Variants in SPAST observed in about 807,000 individuals in gnomAD.
The protein encoded by SPAST is spastin, also known as spastic paraplegia 4 (autosomal dominant; spastin).
SPAST carries 30 observed loss-of-function variants against 76.6 expected under a neutral mutation model. The ratio of observed to expected loss-of-function variants is 0.39; its 90% CI spans 0.29 to 0.53. The LOEUF is 0.53. Ranked by LOEUF, SPAST falls within the 20% of genes least tolerant of loss-of-function variation. The pLI is 0.68. For missense variants in SPAST, 717 were observed against 770.5 expected, an observed-to-expected ratio of 0.93 and a Z score of 0.82; for synonymous variants, 305 against 281.0, an observed-to-expected ratio of 1.09 and a Z score of -0.86.
chr2:32,083,698 T>C (rs1677331490), intron 1 of SPAST, among the ~76,000 whole-genome samples: 1 of 138,940 alleles, frequency 7.2e-6, no homozygotes, highest in Admixed American at 7.7e-5. Flanking sequence ...ATATAGAGTA[T>C]ATATATTTTT....
rs528460707 is a variant in SPAST, at chr2:32,112,588, C to T, written c.683-2050C>T. 6.6e-5 allele frequency among the ~76,000 whole-genome samples: 10 copies of T among 152,182 alleles called. No homozygotes were observed. The East Asian group carries it at 9.7e-4, about 15-fold the overall frequency. Reference sequence around the variant, plus strand: ...GTCTCAAACTCCTGACCTTGTGATCCGCCCACCTTGGCCTCCGAAAGTTCT... The same window carrying T: ...GTCTCAAACTCCTGACCTTGTGATCTGCCCACCTTGGCCTCCGAAAGTTCT... On this transcript the variant is annotated intron_variant, in intron 4 of 16. Coordinates refer to ENST00000315285, the MANE Select transcript of SPAST (RefSeq NM_014946.4).
At chr2:32,099,396 ACT>A (rs1369460891) in intron 4 of SPAST, among the ~76,000 whole-genome samples, 23 of 152,122 alleles carry the variant, frequency 1.5e-4, no homozygotes, top group African/African-American at 5.3e-4. Flanking sequence ...CTATGGATTA[ACT>A]CTATCCTTCA....
chr2:32,089,352 T>A (rs541186307), intron 2 of SPAST, among the ~76,000 whole-genome samples, 170 bp from the exon 3 acceptor site: 22 of 152,104 alleles, frequency 1.4e-4, no homozygotes, highest in African/African-American at 4.8e-4. Context: ...ATAGTATTTT[T>A]AAAATTTCTT....
chr2:32,117,061 C>G (rs1338619441), intron 7 of SPAST, among the ~76,000 whole-genome samples: 6 of 151,950 alleles, frequency 3.9e-5, no homozygotes, highest in Admixed American at 2.6e-4. Flanking sequence ...GAGATTGAGA[C>G]CATCCTGGCT....
At chr2:32,141,556 GT>G (rs1679720410) in intron 12 of SPAST, among the ~76,000 whole-genome samples, 1 of 152,160 alleles carries the variant, frequency 6.6e-6, no homozygotes, top group African/African-American at 2.4e-5. Context: ...ATGTTACCTA[GT>G]TTGTTGATGA....
chr2:32,134,240 C>T (rs1320733858), intron 9 of SPAST, among the ~76,000 whole-genome samples: 1 of 152,032 alleles, frequency 6.6e-6, no homozygotes, highest in Admixed American at 6.6e-5. Flanking sequence ...CGGTGGCTCA[C>T]ACCTGTAATC....
chr2:32,121,298 A>G (rs1256782530), intron 7 of SPAST, among the ~76,000 whole-genome samples: 2 of 150,694 alleles, frequency 1.3e-5, no homozygotes, highest in African/African-American at 4.9e-5. Flanking sequence ...GATTACAGGC[A>G]TCTGCCACCA....
intron 1 of SPAST, among the ~76,000 whole-genome samples, chr2:32,068,277 A>G (rs986589263): frequency 6.9e-6 from 1 of 144,812 alleles, no homozygotes; most frequent in Non-Finnish European, 1.5e-5. Flanking sequence ...CGCGCCCGGC[A>G]CATATTTTGA....
intron 16 of SPAST, among the ~76,000 whole-genome samples, chr2:32,150,077 T>C (rs941663601): frequency 6.6e-6 from 1 of 150,902 alleles, no homozygotes; most frequent in African/African-American, 2.4e-5. Flanking sequence ...CTTTCTTTTT[T>C]TTTTTTTGTG....
chr2:32,106,195 G>T (rs868735526), intron 4 of SPAST, among the ~76,000 whole-genome samples: 9 of 152,164 alleles, frequency 5.9e-5, no homozygotes, highest in Admixed American at 1.3e-4. Flanking sequence ...TTGCCGCCTT[G>T]CAGTTCGATC....
At chr2:32,065,920 A>T (rs1231627224) in intron 1 of SPAST, 3 of 151,712 alleles carry the variant, frequency 2.0e-5, no homozygotes. Flanking sequence ...GGGTGTTAAC[A>T]TTTAAGAATA....
chr2:32,088,042 C>T (rs190825956), intron 2 of SPAST, among the ~76,000 whole-genome samples: 142 of 151,984 alleles, frequency 9.3e-4, no homozygotes, highest in African/African-American at 3.1e-3. Flanking sequence ...TGCATGCCAC[C>T]GTGCCCAGCT....
At chr2:32,144,798 A>G in intron 14 of SPAST, 139 bp from the exon 15 acceptor site, 1 of 665,126 alleles carries the variant, frequency 1.5e-6, no homozygotes, top group Non-Finnish European at 2.8e-6. Context: ...CTGAGGTAGG[A>G]GAATCGCTCC....
chr2:32,104,851 G>A (rs1005936702), intron 4 of SPAST, among the ~76,000 whole-genome samples: 7 of 152,150 alleles, frequency 4.6e-5, no homozygotes, highest in African/African-American at 1.4e-4. Context: ...CCCTTTGTGG[G>A]TAACCCGACC....
chr2:32,086,038 T>C (rs2148707686), intron 1 of SPAST, among the ~76,000 whole-genome samples: 1 of 129,280 alleles, frequency 7.7e-6, no homozygotes, highest in East Asian at 2.9e-4. Flanking sequence ...AGAGACTCCA[T>C]CTAAATAAAT....
chr2:32,067,227 A>C (rs925576575), intron 1 of SPAST, among the ~76,000 whole-genome samples: 6 of 151,968 alleles, frequency 3.9e-5, no homozygotes, highest in Non-Finnish European at 8.8e-5. Flanking sequence ...ACGCCCAGCT[A>C]ATTTTTGTGT....
In SPAST at chr2:32,155,169, C is replaced by CA. The variant is rs1268589760; in HGVS notation, c.*679dup. Reference sequence around the variant, plus strand: ...AACAGTTTAGATAGCAATATAATAGCAAAAAAGCAAATATGGTAAAATAGA... The same window carrying CA: ...AACAGTTTAGATAGCAATATAATAGCAAAAAAAGCAAATATGGTAAAATAGA... On this transcript the variant is annotated 3_prime_UTR_variant, in exon 17 of 17. Coordinates refer to ENST00000315285, the MANE Select transcript of SPAST (RefSeq NM_014946.4). 2 of 152,666 alleles carry CA rather than the reference C, an allele frequency of 1.3e-5. No homozygotes were observed. Among genetic ancestry groups the CA allele is most frequent in the East Asian group, 1.9e-4 (1 of 5,208 alleles). The allele number at this position is 152,666 out of a possible 1,614,324, so 9.5% of individuals were successfully genotyped here. A position where few individuals can be genotyped will look rare whatever the true frequency, so the allele number is the denominator to read the frequency against.
intron 1 of SPAST, among the ~76,000 whole-genome samples, chr2:32,067,411 G>T (rs1573033767): frequency 6.6e-6 from 1 of 152,012 alleles, no homozygotes; most frequent in Admixed American, 6.6e-5. Flanking sequence ...TGGGAGGTAG[G>T]ATAAAAGGAG....
chr2:32,093,202 T>G (rs1409833599), intron 3 of SPAST, among the ~76,000 whole-genome samples: 2 of 149,482 alleles, frequency 1.3e-5, no homozygotes, highest in African/African-American at 4.9e-5. Flanking sequence ...TCCCAGCTAC[T>G]TGGGAGGCTG....
Sources: allele counts gnomAD v4.1 joint callset (sites outside exome capture counted in the v4.1 genomes callset), GRCh38; gene constraint gnomAD v4.1.1; transcripts MANE v1.5; gene names NCBI Gene and HGNC (gene_info 2026-07-23, HGNC 2026-07-21).